CRTAC1: variants seen among roughly 807,000 people sequenced by gnomAD.
CRTAC1 encodes the protein acidic secreted protein in cartilage.
Under a neutral mutation model 67.8 loss-of-function variants are expected in CRTAC1, and 37 were observed. The ratio of observed to expected loss-of-function variants is 0.55; its 90% CI spans 0.42 to 0.72. The LOEUF (loss-of-function observed/expected upper bound fraction) is 0.72. Ranked by LOEUF, CRTAC1 falls within the 30% of genes least tolerant of loss-of-function variation. CRTAC1 has a pLI of 0.00. For synonymous variants in CRTAC1, 348 were observed against 371.0 expected, an observed-to-expected ratio of 0.94 and a Z score of 0.71; for missense variants, 780 against 931.6, an observed-to-expected ratio of 0.84 and a Z score of 2.12.
At chr10:98,003,306 C>T (rs1325767225) in intron 2 of CRTAC1, among the ~76,000 whole-genome samples, 3 of 152,140 alleles carry the variant, frequency 2.0e-5, no homozygotes, top group Non-Finnish European at 4.4e-5. Context: ...AACTTAATGG[C>T]TTACAACAAT....
chr10:98,009,107 C>T (rs747943407), intron 2 of CRTAC1, among the ~76,000 whole-genome samples: 9 of 152,186 alleles, frequency 5.9e-5, no homozygotes, highest in Non-Finnish European at 1.2e-4. Context: ...AGGTAAAAAG[C>T]GTCATTACAA....
At chr10:97,986,923 T>C (rs1291751539) in intron 2 of CRTAC1, among the ~76,000 whole-genome samples, 2 of 152,308 alleles carry the variant, frequency 1.3e-5, no homozygotes, top group East Asian at 1.9e-4. Flanking sequence ...GTAAATAAGA[T>C]TATGTGTAAA....
chr10:97,960,451 A>C (rs1232241538), intron 2 of CRTAC1, among the ~76,000 whole-genome samples: 2 of 152,212 alleles, frequency 1.3e-5, no homozygotes, highest in African/African-American at 2.4e-5. Context: ...TATATATAGC[A>C]CATGTTTCCA....
intron 3 of CRTAC1, 143 bp downstream of exon 3, chr10:97,936,027 A>G: frequency 1.4e-6 from 1 of 705,578 alleles, no homozygotes; most frequent in Non-Finnish European, 2.3e-6. Context: ...GGACCCAGGG[A>G]GGTCCTGTGG....
At chr10:97,948,873 G>A (rs796461763) in intron 2 of CRTAC1, among the ~76,000 whole-genome samples, 35 of 152,278 alleles carry the variant, frequency 2.3e-4, no homozygotes, top group East Asian at 3.9e-4. Flanking sequence ...TTCACATGGC[G>A]TCAGGAGAGA....
At chr10:97,923,957 T>C (rs1054686311) in intron 3 of CRTAC1, among the ~76,000 whole-genome samples, 2 of 152,138 alleles carry the variant, frequency 1.3e-5, no homozygotes, top group Middle Eastern at 3.4e-3. Context: ...TGGGGTGTGA[T>C]GAGTTTGGGC....
chr10:98,024,626 G>A lies in CRTAC1; in HGVS notation c.24+5823C>T, dbSNP rs144322247. Among the ~76,000 whole-genome samples the A allele has an allele frequency of 3.1e-3, 472 of 151,948 alleles. 11 individuals are homozygous for A. The highest frequency in any genetic ancestry group is 0.028 in the Admixed American group (422 of 15,270). ...ACTGGAATTTTTCCAAGAAGTAAAC[G>A]CTTTGCTTCTTACAAAGTCAACATG... On this transcript the variant is annotated intron_variant, in intron 1 of 14. Transcript: ENST00000370597.
chr10:97,881,395 G>A (rs926420726), intron 13 of CRTAC1, among the ~76,000 whole-genome samples: 3 of 152,136 alleles, frequency 2.0e-5, no homozygotes, highest in African/African-American at 2.4e-5. Context: ...GGCCCTCCCT[G>A]ACCACTCTCT....
At chr10:97,891,584 T>C (rs890018711) in intron 11 of CRTAC1, among the ~76,000 whole-genome samples, 2 of 152,246 alleles carry the variant, frequency 1.3e-5, no homozygotes, top group Non-Finnish European at 2.9e-5. Flanking sequence ...CTCCGCCCAC[T>C]GCCAGCCTGG....
At position 97,907,995 on chromosome 10, in the gene CRTAC1, A is replaced by G. The variant is rs753938329; in HGVS notation, c.850+18T>C. On this transcript the variant is annotated intron_variant, in intron 6 of 14. Coordinates refer to ENST00000370597, the MANE Select transcript of CRTAC1 (RefSeq NM_018058.7). ...GGTGAGGGGTCAGGGTGCACAGGGC[A>G]TGGCTGCCTCCACTCACCAGCACTG... 7 of 1,613,738 alleles carry G rather than the reference A, an allele frequency of 4.3e-6. No homozygotes were observed. The East Asian group carries it at 1.6e-4, about 36-fold the overall frequency.
intron 2 of CRTAC1, among the ~76,000 whole-genome samples, chr10:98,002,346 TC>T (rs1200608264): frequency 1.5e-4 from 23 of 152,204 alleles, no homozygotes; most frequent in Non-Finnish European, 7.3e-5. Flanking sequence ...TTTGTTAAAA[TC>T]CTTTTTTAAA....
intron 6 of CRTAC1, among the ~76,000 whole-genome samples, chr10:97,905,315 C>A (rs1001065646): frequency 6.6e-6 from 1 of 152,182 alleles, no homozygotes; most frequent in Admixed American, 6.5e-5. Flanking sequence ...TCCCACTCTC[C>A]CCATCTTTCC....
At chr10:97,926,574 AC>A (rs1455914915) in intron 3 of CRTAC1, among the ~76,000 whole-genome samples, 1 of 151,646 alleles carries the variant, frequency 6.6e-6, no homozygotes, top group Non-Finnish European at 1.5e-5. Flanking sequence ...ATTACATAAC[AC>A]CCCCAGCAGG....
intron 1 of CRTAC1, among the ~76,000 whole-genome samples, chr10:98,021,765 A>C (rs1173898383): frequency 6.6e-6 from 1 of 152,102 alleles, no homozygotes; most frequent in East Asian, 1.9e-4. Flanking sequence ...CCCTTCCAGG[A>C]GTAGTTGCCA....
At chr10:98,010,127 C>A (rs1842877533) in intron 2 of CRTAC1, among the ~76,000 whole-genome samples, 1 of 151,886 alleles carries the variant, frequency 6.6e-6, no homozygotes, top group African/African-American at 2.4e-5. Flanking sequence ...GCAACCTCCG[C>A]CTCCTGGGTT....
chr10:97,954,702 G>A (rs2051413703), intron 2 of CRTAC1, among the ~76,000 whole-genome samples: 1 of 152,206 alleles, frequency 6.6e-6, no homozygotes, highest in Non-Finnish European at 1.5e-5. Context: ...GTAACAAAGT[G>A]CTGCAAATTC....
At chr10:97,868,281 C>G (rs2050051242) in intron 14 of CRTAC1, 1 of 152,310 alleles carries the variant, frequency 6.6e-6, no homozygotes, top group Admixed American at 6.5e-5. Context: ...TGAATCCTGT[C>G]ACAGAGGTCC....
At chr10:97,937,675 C>T (rs1284063560) in intron 2 of CRTAC1, among the ~76,000 whole-genome samples, 2 of 152,160 alleles carry the variant, frequency 1.3e-5, no homozygotes, top group African/African-American at 2.4e-5. Context: ...TTCACATCAC[C>T]CTCCCATATG....
chr10:98,026,342 G>T (rs559229432), intron 1 of CRTAC1, among the ~76,000 whole-genome samples: 1 of 152,168 alleles, frequency 6.6e-6, no homozygotes, highest in Non-Finnish European at 1.5e-5. Flanking sequence ...ATCTGGTGGG[G>T]CTCATAAAAG....
Sources: gnomAD v4.1 joint callset for allele counts (sites outside exome capture counted in the v4.1 genomes callset) on GRCh38, gnomAD v4.1.1 for gene constraint, MANE v1.5 for transcripts, NCBI Gene and HGNC (gene_info 2026-07-23, HGNC 2026-07-21) for gene names.